ARMH2: variants seen among roughly 807,000 people sequenced by gnomAD.
The protein encoded by ARMH2 is armadillo-like helical domain-containing protein 2.
In ARMH2, 5 loss-of-function variants were observed where a neutral mutation model predicts 9.0. The ratio of observed to expected loss-of-function variants is 0.56; its 90% CI spans 0.29 to 1.17. The LOEUF (loss-of-function observed/expected upper bound fraction) is 1.17, where lower values mean the gene tolerates loss of function less well. Ranked by LOEUF, ARMH2 falls within the 50% of genes most tolerant of loss-of-function variation. ARMH2 has a pLI of 0.08. For missense variants in ARMH2, 236 were observed against 268.3 expected (o/e 0.88, Z 0.84); for synonymous variants, 74 against 93.1 (o/e 0.79, Z 1.18).
In ARMH2 at chr6:24,798,824, A is replaced by G; in HGVS notation, c.34T>C (p.Trp12Arg). ...GCAAAATACCCATACATCTTAACCCAAATTTGCGTACAAGAAAATCGGCTG... is the reference window on the plus strand; with the variant it reads ...GCAAAATACCCATACATCTTAACCCGAATTTGCGTACAAGAAAATCGGCTG... ...ANSRFSCTQI[W>R]VKMYGYFAGL... The change falls in exon 1 of 2, where the codon TGG becomes CGG. Residue 12 changes from tryptophan (W) to arginine (R), a missense_variant. Transcript: ENST00000565469. 6.5e-7 allele frequency: 1 copy of G among 1,534,744 alleles called. No individual in the cohort carries two copies. The highest frequency in any genetic ancestry group is 8.7e-7 in the Non-Finnish European group (1 of 1,146,410).
rs1030406415 is a variant in ARMH2, at chr6:24,797,984, C to T, written c.266-147G>A. 6 of 845,890 alleles carry T rather than the reference C, an allele frequency of 7.1e-6. No homozygotes were observed. In the South Asian group the frequency reaches 9.3e-5, roughly 13 times the overall value. 52.4% of individuals were successfully genotyped at this position (845,890 alleles called of 1,614,324 possible). A position where few individuals can be genotyped will look rare whatever the true frequency, so the allele number is the denominator to read the frequency against. On this transcript the variant is annotated intron_variant, in intron 1 of 1. Coordinates refer to ENST00000565469, the MANE Select transcript of ARMH2 (RefSeq NM_001282492.2). Reference sequence around the variant, plus strand: ...TTTTCCTGTCGTTTTCCCCCACCTCCCACGCTGCTGCCATGAAGACCAGAA... The same window carrying T: ...TTTTCCTGTCGTTTTCCCCCACCTCTCACGCTGCTGCCATGAAGACCAGAA...
rs923366770 is a variant in ARMH2, at chr6:24,797,607, T to C, written c.496A>G (p.Ser166Gly). 6.5e-7 allele frequency: 1 copy of C among 1,535,512 alleles called. No homozygotes were observed. Among genetic ancestry groups the C allele is most frequent in the Non-Finnish European group, 8.7e-7 (1 of 1,146,742 alleles). The stretch of plus-strand genomic sequence containing the variant: ...GTCCAAAATTTAAGGAGGAGGTAGC[T>C]GTTTGTTTCACTTTTGATAGTAGAC... The part of the protein sequence containing the change: ...FESTIKSETN[S>G]YLLLKFWTCY... The change falls in exon 2 of 2, where the codon AGC becomes GGC. Residue 166 changes from serine (S) to glycine (G), a missense_variant. By Grantham distance (56) the Ser-to-Gly change is moderately conservative. Transcript: ENST00000565469.
intron 1 of ARMH2, among the ~76,000 whole-genome samples, chr6:24,798,178 A>G (rs1204552828): frequency 1.3e-5 from 2 of 151,596 alleles, no homozygotes; most frequent in African/African-American, 4.8e-5. Context: ...GTGCAATGGC[A>G]CGATCTCAGC....
In ARMH2 at chr6:24,797,633, T is replaced by G; in HGVS notation, c.470A>C (p.Glu157Ala). The change falls in exon 2 of 2, where the codon GAG becomes GCG. Residue 157 changes from glutamate to alanine, a missense_variant. Glu to Ala is a moderately radical substitution (Grantham distance 107). Transcript: ENST00000565469. ...ILISFFEGRFESTIKSETNSY... is the reference protein window; with the variant it reads ...ILISFFEGRFASTIKSETNSY... Reference sequence around the variant, plus strand: ...GTTTGTTTCACTTTTGATAGTAGACTCGAATCTGCCTTCAAAAAAACTAAT... The same window carrying G: ...GTTTGTTTCACTTTTGATAGTAGACGCGAATCTGCCTTCAAAAAAACTAAT... 6.5e-7 allele frequency: 1 copy of G among 1,535,496 alleles called. No individual in the cohort carries two copies. Among genetic ancestry groups the G allele is most frequent in the Non-Finnish European group, 8.7e-7 (1 of 1,146,742 alleles).
Position 24,797,362 on chromosome 6 carries a change from C to T in ARMH2, c.*48G>A. The T allele has an allele frequency of 1.4e-6, 2 of 1,441,306 alleles. No homozygotes were observed. Among genetic ancestry groups the T allele is most frequent in the Non-Finnish European group, 1.8e-6 (2 of 1,086,362 alleles). 89.3% of individuals were successfully genotyped at this position (1,441,306 alleles called of 1,614,324 possible). A position where few individuals can be genotyped will look rare whatever the true frequency, so the allele number is the denominator to read the frequency against. Reference sequence around the variant, plus strand: ...GATTTTTATTGTTTATTTCAGTTTTCCAGGGTAATACACAGAGAGCTGCAA... The same window carrying T: ...GATTTTTATTGTTTATTTCAGTTTTTCAGGGTAATACACAGAGAGCTGCAA... On this transcript the variant is annotated 3_prime_UTR_variant, in exon 2 of 2. Coordinates refer to ENST00000565469, the MANE Select transcript of ARMH2 (RefSeq NM_001282492.2).
At chr6:24,797,940 A>T in intron 1 of ARMH2, 103 bp from the exon 2 acceptor site, 1 of 1,202,824 alleles carries the variant, frequency 8.3e-7, no homozygotes. Context: ...CCTGTAGAGG[A>T]TACTTTGGAT....
At chr6:24,798,287 T>C (rs2113596584) in intron 1 of ARMH2, among the ~76,000 whole-genome samples, 1 of 152,212 alleles carries the variant, frequency 6.6e-6, no homozygotes, top group Non-Finnish European at 1.5e-5. Flanking sequence ...CAGCTAATTT[T>C]TTGTATTTTT....
Position 24,797,376 on chromosome 6 carries a change from A to G in ARMH2, c.*34T>C. 7 of 1,504,334 alleles carry G rather than the reference A, an allele frequency of 4.7e-6. No individual in the cohort carries two copies. Among genetic ancestry groups the G allele is most frequent in the Non-Finnish European group, 6.2e-6 (7 of 1,125,908 alleles). The allele number at this position is 1,504,334 out of a possible 1,614,324, so 93.2% of individuals were successfully genotyped here. ...ATTTCAGTTTTCCAGGGTAATACAC[A>G]GAGAGCTGCAACATGTAACTGGATT... On this transcript the variant is annotated 3_prime_UTR_variant, in exon 2 of 2. Coordinates refer to ENST00000565469, the MANE Select transcript of ARMH2 (RefSeq NM_001282492.2).
Position 24,798,525 on chromosome 6 carries a change from C to T in ARMH2, c.265+68G>A, listed in dbSNP as rs150712732. ...TTAAGATTACAGCTAAGAAAAATTA[C>T]TAAACTACAGTGTTATAAAATGAGT... is the stretch of plus-strand genomic sequence containing the variant. On this transcript the variant is annotated intron_variant, in intron 1 of 1. Coordinates refer to ENST00000565469, the MANE Select transcript of ARMH2 (RefSeq NM_001282492.2). The T allele has an allele frequency of 1.2e-4, 169 of 1,427,530 alleles. No homozygotes were observed. The African/African-American group carries it at 2.0e-3, about 17-fold the overall frequency. 88.4% of individuals were successfully genotyped at this position (1,427,530 alleles called of 1,614,324 possible). A position where few individuals can be genotyped will look rare whatever the true frequency, so the allele number is the denominator to read the frequency against.
At chr6:24,797,906 C>T in intron 1 of ARMH2, 69 bp from the exon 2 acceptor site, 4 of 1,422,698 alleles carry the variant, frequency 2.8e-6, no homozygotes, top group South Asian at 2.8e-5. Context: ...CTTTGGAATG[C>T]TTATATGTTC....
In ARMH2 at chr6:24,797,808, C is replaced by T. The variant is rs1266042025; in HGVS notation, c.295G>A (p.Glu99Lys). 6.5e-7 allele frequency: 1 copy of T among 1,534,760 alleles called. No homozygotes were observed. Among genetic ancestry groups the T allele is most frequent in the Non-Finnish European group, 8.7e-7 (1 of 1,146,394 alleles). Residue 99 changes from glutamate to lysine, a missense_variant, in exon 2 of 2, where the codon GAG becomes AAG. Coordinates refer to ENST00000565469, the MANE Select transcript of ARMH2 (RefSeq NM_001282492.2). ...AAGTGAGCCACTTCTTCCATGTACT[C>T]AGCTGCAAAGTTCCCAGCAGGTGGT... Reference protein sequence around the residue: ...GGPPAGNFAAEYMEEVAHLLQ... With the variant: ...GGPPAGNFAAKYMEEVAHLLQ...
Position 24,797,723 on chromosome 6 carries a change from C to T in ARMH2, c.380G>A (p.Cys127Tyr), listed in dbSNP as rs748578993. 6.5e-7 allele frequency: 1 copy of T among 1,535,470 alleles called. No individual in the cohort carries two copies. The highest frequency in any genetic ancestry group is 1.2e-5 in the South Asian group (1 of 84,052). ...IKILLLQSVA[C>Y]WCYLNPVSQK... ...GCTGACAGGGTTTAAGTAACACCAA[C>T]ATGCCACACTCTGGAGCAGCAGGAT... is the stretch of plus-strand genomic sequence containing the variant. The change falls in exon 2 of 2, where the codon TGT becomes TAT. Residue 127 changes from cysteine to tyrosine, a missense_variant. Physicochemically the swap from Cys to Tyr is radical, Grantham distance 194. Transcript: ENST00000565469.
At position 24,798,667 on chromosome 6, in the gene ARMH2, A is replaced by C. The variant is rs1207322630; in HGVS notation, c.191T>G (p.Val64Gly). The C allele has an allele frequency of 1.3e-6, 2 of 1,535,180 alleles. No individual in the cohort carries two copies. The highest frequency in any genetic ancestry group is 4.9e-5 in the East Asian group (2 of 40,914). Residue 64 changes from valine to glycine, a missense_variant, in exon 1 of 2, where the codon GTG (valine) becomes GGG (glycine). Val to Gly is a moderately radical substitution (Grantham distance 109, BLOSUM62 -3). Transcript: ENST00000565469. ...AATGGGTAGAGATTCATTCATCAAC[A>C]CTTGGCCAAGTACAACAATTTTTTC... ...HEEKIVVLGQ[V>G]LMNESLPIEK... is the part of the protein sequence containing the mutation.
Position 24,797,723 on chromosome 6 carries a change from C to G in ARMH2, c.380G>C (p.Cys127Ser), listed in dbSNP as rs748578993. Residue 127 changes from cysteine to serine, a missense_variant, in exon 2 of 2, where the codon TGT (cysteine) becomes TCT (serine). Cys to Ser is a moderately radical substitution (Grantham distance 112). Coordinates refer to ENST00000565469, the MANE Select transcript of ARMH2 (RefSeq NM_001282492.2). The part of the protein sequence containing the change: ...IKILLLQSVA[C>S]WCYLNPVSQK... Reference sequence around the variant, plus strand: ...GCTGACAGGGTTTAAGTAACACCAACATGCCACACTCTGGAGCAGCAGGAT... The same window carrying G: ...GCTGACAGGGTTTAAGTAACACCAAGATGCCACACTCTGGAGCAGCAGGAT... 16 of 1,535,354 alleles carry G rather than the reference C, an allele frequency of 1.0e-5. No homozygotes were observed. The highest frequency in any genetic ancestry group is 1.4e-5 in the African/African-American group (1 of 73,032).
chr6:24,797,783 A>G lies in ARMH2; in HGVS notation c.320T>C (p.Leu107Ser), dbSNP rs1196903245. ...TGGTGCCAACTCCTCATCTTGCAAC[A>G]AGTGAGCCACTTCTTCCATGTACTC... ...AAEYMEEVAH[L>S]LQDEELAPKI... Residue 107 changes from leucine (L) to serine (S), a missense_variant, in exon 2 of 2, where the codon TTG becomes TCG. By Grantham distance (145) the Leu-to-Ser change is moderately radical. Coordinates refer to ENST00000565469, the MANE Select transcript of ARMH2 (RefSeq NM_001282492.2). 1.3e-6 allele frequency: 2 copies of G among 1,535,342 alleles called. No individual in the cohort carries two copies. Among genetic ancestry groups the G allele is most frequent in the African/African-American group, 2.7e-5 (2 of 73,036 alleles).
In ARMH2 at chr6:24,798,829, T is replaced by A; in HGVS notation, c.29A>T (p.Gln10Leu). 1 of 1,534,646 alleles carries A rather than the reference T, an allele frequency of 6.5e-7. No homozygotes were observed. Among genetic ancestry groups the A allele is most frequent in the Non-Finnish European group, 8.7e-7 (1 of 1,146,422 alleles). The change falls in exon 1 of 2, where the codon CAA becomes CTA. Residue 10 changes from glutamine to leucine, a missense_variant. By Grantham distance (113) the Gln-to-Leu change is moderately radical (BLOSUM62 -2). Transcript: ENST00000565469. ...ATACCCATACATCTTAACCCAAATT[T>A]GCGTACAAGAAAATCGGCTGTTAGC... MANSRFSCT[Q>L]IWVKMYGYFA...
chr6:24,797,937 A>AGGATAATTT, intron 1 of ARMH2, 100 bp from the exon 2 acceptor site: 2 of 1,280,974 alleles, frequency 1.6e-6, no homozygotes, highest in Non-Finnish European at 2.1e-6. Context: ...TGCCCTGTAG[A>AGGATAATTT]GGATACTTTG....
At chr6:24,798,404 A>T (rs1198094778) in intron 1 of ARMH2, among the ~76,000 whole-genome samples, 189 bp downstream of exon 1, 1 of 152,198 alleles carries the variant, frequency 6.6e-6, no homozygotes, top group Non-Finnish European at 1.5e-5. Flanking sequence ...GGCGTGAGCC[A>T]CCGTGCCTGG....
At position 24,798,904 on chromosome 6, in the gene ARMH2, A is replaced by G. The variant is rs371374399; in HGVS notation, c.-47T>C. On this transcript the variant is annotated 5_prime_UTR_variant, in exon 1 of 2. Coordinates refer to ENST00000565469, the MANE Select transcript of ARMH2 (RefSeq NM_001282492.2). ...CTTCAGGTACACCACTGGCAGTCACAGGAGTTCACAGTCAAGAACTCTGGA... is the reference window on the plus strand; with the variant it reads ...CTTCAGGTACACCACTGGCAGTCACGGGAGTTCACAGTCAAGAACTCTGGA... The G allele has an allele frequency of 3.8e-5, 57 of 1,505,322 alleles. No homozygotes were observed. In the African/African-American group the frequency reaches 5.0e-4, roughly 13 times the overall value. 93.2% of individuals were successfully genotyped at this position (1,505,322 alleles called of 1,614,324 possible). A position where few individuals can be genotyped will look rare whatever the true frequency, so the allele number is the denominator to read the frequency against.
Sources: gnomAD v4.1 joint callset for allele counts (sites outside exome capture counted in the v4.1 genomes callset) on GRCh38, gnomAD v4.1.1 for gene constraint, MANE v1.5 for transcripts, NCBI Gene and HGNC (gene_info 2026-07-23, HGNC 2026-07-21) for gene names.